Variants in DEPTOR observed in about 807,000 individuals in gnomAD.
DEPTOR encodes the protein DEP domain-containing mTOR-interacting protein.
A neutral mutation model predicts 41.6 loss-of-function variants in DEPTOR; 41 were observed. That is an observed-to-expected ratio of 0.98 (90% CI 0.77 to 1.28). The LOEUF (loss-of-function observed/expected upper bound fraction) is 1.28. Ranked by LOEUF, DEPTOR falls within the 50% of genes most tolerant of loss-of-function variation. The pLI, the probability that DEPTOR is intolerant of heterozygous loss-of-function variation, is 0.00. For synonymous variants in DEPTOR, 195 were observed against 192.3 expected (o/e 1.01, Z -0.12); for missense variants, 514 against 527.9 (o/e 0.97, Z 0.26).
At position 119,910,336 on chromosome 8, in the gene DEPTOR, T is replaced by G. The variant is rs1827720734; in HGVS notation, c.123-18064T>G. Among the ~76,000 whole-genome samples the G allele has an allele frequency of 2.6e-5, 4 of 152,388 alleles. No individual in the cohort carries two copies. The South Asian group carries it at 8.3e-4, about 32-fold the overall frequency. On this transcript the variant is annotated intron_variant, in intron 1 of 8. Transcript: ENST00000286234. ...ATAGAAAAGATTTTCCTGAGGGTGG[T>G]CAGATATGTGAAATAGCATTTTATT...
intron 4 of DEPTOR, among the ~76,000 whole-genome samples, chr8:119,983,052 C>T (rs755297985): frequency 3.3e-5 from 5 of 152,176 alleles, no homozygotes; most frequent in African/African-American, 7.2e-5. Flanking sequence ...ATGAAACATA[C>T]GCTTTTAAGG....
At chr8:119,968,240 TA>T (rs1828587242) in intron 4 of DEPTOR, among the ~76,000 whole-genome samples, 1 of 152,214 alleles carries the variant, frequency 6.6e-6, no homozygotes, top group Admixed American at 6.5e-5. Context: ...ATTAACTTAT[TA>T]ATAAATAAAC....
At position 119,940,084 on chromosome 8, in the gene DEPTOR, G is replaced by C. The variant is rs530271744; in HGVS notation, c.425+10146G>C. Among the ~76,000 whole-genome samples the C allele has an allele frequency of 3.3e-5, 5 of 152,118 alleles. No individual in the cohort carries two copies. The South Asian group carries it at 8.3e-4, about 25-fold the overall frequency. ...AATTCAAAATTATCCAAGCTTGGTG[G>C]TGCATGCCTGTAATCCCAGCTACTT... On this transcript the variant is annotated intron_variant, in intron 3 of 8. Transcript: ENST00000286234.
At chr8:119,936,921 G>A (rs905578491) in intron 3 of DEPTOR, among the ~76,000 whole-genome samples, 1 of 152,136 alleles carries the variant, frequency 6.6e-6, no homozygotes, top group Non-Finnish European at 1.5e-5. Flanking sequence ...CTACTTGGGA[G>A]GCTGGGGTGG....
In DEPTOR at chr8:119,959,249, G is replaced by A. The variant is rs186570870; in HGVS notation, c.426-5983G>A. Among the ~76,000 whole-genome samples, 50 of 137,542 alleles carry A rather than the reference G, an allele frequency of 3.6e-4. 1 individual carries two copies. Among genetic ancestry groups the A allele is most frequent in the Admixed American group, 2.2e-3 (28 of 12,518 alleles). 90.2% of individuals were successfully genotyped at this position (137,542 alleles called of 152,430 possible). ...GCCATCTCGGCTCACTGCAAGCTCC[G>A]CCTCCCGGGCTCACGCCATTCTCCT... is the stretch of plus-strand genomic sequence containing the variant. On this transcript the variant is annotated intron_variant, in intron 3 of 8. Coordinates refer to ENST00000286234, the MANE Select transcript of DEPTOR (RefSeq NM_022783.4).
chr8:119,994,717 A>G (rs1249788615), intron 4 of DEPTOR, among the ~76,000 whole-genome samples: 4 of 152,232 alleles, frequency 2.6e-5, no homozygotes, highest in African/African-American at 7.2e-5. Context: ...GGAGTTTAAG[A>G]CCAGCCTGGC....
At chr8:120,027,731 C>T (rs1373016100) in intron 8 of DEPTOR, among the ~76,000 whole-genome samples, 1 of 151,724 alleles carries the variant, frequency 6.6e-6, no homozygotes. Context: ...TAAATTCTAA[C>T]TGTCTCATGC....
rs1039158157 is a variant in DEPTOR at position 120,049,558 on chromosome 8, T to C, written c.1102-18T>C. The C allele has an allele frequency of 6.2e-7, 1 of 1,611,808 alleles. No individual in the cohort carries two copies. The highest frequency in any genetic ancestry group is 8.5e-7 in the Non-Finnish European group (1 of 1,178,304). ...CAGGCGCTATAATAGATGCTCTTTC[T>C]TTGCATCTTTCCTTTAGGTCTGTCA... On this transcript the variant is annotated intron_variant, in intron 8 of 8. Coordinates refer to ENST00000286234, the MANE Select transcript of DEPTOR (RefSeq NM_022783.4).
intron 3 of DEPTOR, among the ~76,000 whole-genome samples, chr8:119,935,676 G>A (rs1375681514): frequency 1.4e-4 from 21 of 149,642 alleles, no homozygotes; most frequent in African/African-American, 4.9e-4. Flanking sequence ...AGCCAAGATC[G>A]CACCACTGCA....
chr8:119,967,406 T>C (rs1163358210), intron 4 of DEPTOR, among the ~76,000 whole-genome samples: 1 of 151,746 alleles, frequency 6.6e-6, no homozygotes, highest in Non-Finnish European at 1.5e-5. Context: ...TGACCTACAG[T>C]TAACCAACGT....
At chr8:119,911,575 C>A (rs1827736862) in intron 1 of DEPTOR, among the ~76,000 whole-genome samples, 1 of 152,154 alleles carries the variant, frequency 6.6e-6, no homozygotes, top group Non-Finnish European at 1.5e-5. Context: ...ACCTCAGCCT[C>A]CCAAAGTGCT....
At chr8:119,991,047 T>TTTCTTTCTTTCTTTCC in intron 4 of DEPTOR, among the ~76,000 whole-genome samples, 2 of 20,672 alleles carry the variant, frequency 9.7e-5, no homozygotes, top group Admixed American at 1.3e-3. Flanking sequence ...TCTTTCTTTC[T>TTTCTTTCTTTCTTTCC]TTCTTTCTTT....
Position 119,970,556 on chromosome 8 carries a change from G to T in DEPTOR, c.604+5146G>T, listed in dbSNP as rs189968023. On this transcript the variant is annotated intron_variant, in intron 4 of 8. Transcript: ENST00000286234. ...TAGATGCGGCTTTTTCACCTACTAA[G>T]TGGCCACGTCTGCATCTTATAACTT... is the stretch of plus-strand genomic sequence containing the variant. Among the ~76,000 whole-genome samples, 223 of 152,208 alleles carry T rather than the reference G, an allele frequency of 1.5e-3. 1 individual carries two copies. The highest frequency in any genetic ancestry group is 4.9e-3 in the African/African-American group (203 of 41,538).
At position 119,985,257 on chromosome 8, in the gene DEPTOR, A is replaced by G. The variant is rs192313419; in HGVS notation, c.605-16268A>G. Among the ~76,000 whole-genome samples the G allele has an allele frequency of 1.3e-3, 194 of 152,306 alleles. 2 individuals are homozygous for G. Among genetic ancestry groups the G allele is most frequent in the African/African-American group, 4.3e-3 (178 of 41,572 alleles). On this transcript the variant is annotated intron_variant, in intron 4 of 8. Coordinates refer to ENST00000286234, the MANE Select transcript of DEPTOR (RefSeq NM_022783.4). ...TTTAATGATCGCCATTCTAACTGGC[A>G]TGAGATGGTATCTCATTATGGTTTT...
intron 8 of DEPTOR, among the ~76,000 whole-genome samples, chr8:120,019,524 G>A (rs1430207528): frequency 6.6e-6 from 1 of 152,162 alleles, no homozygotes; most frequent in East Asian, 1.9e-4. Context: ...GAGTCAGACA[G>A]AATCTTGGCT....
In DEPTOR at chr8:119,942,292, T is replaced by A. The variant is rs546384874; in HGVS notation, c.425+12354T>A. 3.9e-5 allele frequency among the ~76,000 whole-genome samples: 6 copies of A among 152,334 alleles called. No individual in the cohort carries two copies. The South Asian group carries it at 1.2e-3, about 32-fold the overall frequency. On this transcript the variant is annotated intron_variant, in intron 3 of 8. Coordinates refer to ENST00000286234, the MANE Select transcript of DEPTOR (RefSeq NM_022783.4). ...ATCTTGGCTCACTGCAATCTCCACCTCCTGGTGAGTTCGAGCAATTCTCCT... is the reference window on the plus strand; with the variant it reads ...ATCTTGGCTCACTGCAATCTCCACCACCTGGTGAGTTCGAGCAATTCTCCT...
chr8:119,979,660 G>A (rs1828738268), intron 4 of DEPTOR, among the ~76,000 whole-genome samples: 1 of 148,700 alleles, frequency 6.7e-6, no homozygotes, highest in East Asian at 1.9e-4. Flanking sequence ...TTCCATCCAA[G>A]GAAGGCCTGC....
At chr8:119,909,013 C>G (rs914528909) in intron 1 of DEPTOR, among the ~76,000 whole-genome samples, 1 of 152,204 alleles carries the variant, frequency 6.6e-6, no homozygotes, top group Non-Finnish European at 1.5e-5. Flanking sequence ...ATTCTCAGAA[C>G]ACAAGTATCA....
rs146782043 is a variant in DEPTOR at position 119,922,992 on chromosome 8, C to A, written c.123-5408C>A. ...TGGTGGGTCTGCACTTCTTGAAACA[C>A]CATCCCCGAACATGGGCTGGTTGTC... On this transcript the variant is annotated intron_variant, in intron 1 of 8. Coordinates refer to ENST00000286234, the MANE Select transcript of DEPTOR (RefSeq NM_022783.4). Among the ~76,000 whole-genome samples, 1,049 of 151,042 alleles carry A rather than the reference C, an allele frequency of 6.9e-3. 12 individuals carry two copies. Among genetic ancestry groups the A allele is most frequent in the Non-Finnish European group, 8.9e-3 (603 of 67,840 alleles).
Sources: allele counts gnomAD v4.1 joint callset (sites outside exome capture counted in the v4.1 genomes callset), GRCh38; gene constraint gnomAD v4.1.1; transcripts MANE v1.5; gene names NCBI Gene and HGNC (gene_info 2026-07-23, HGNC 2026-07-21).